Variants in DLGAP1 observed in about 807,000 individuals in gnomAD.
DLGAP1 encodes the protein DLG associated protein 1, also known as disks large-associated protein 1.
DLGAP1 carries 11 observed loss-of-function variants against 90.8 expected under a neutral mutation model. The ratio of observed to expected loss-of-function variants is 0.12; its 90% CI spans 0.08 to 0.20. DLGAP1 has a LOEUF of 0.20. DLGAP1 is among the 10% of genes least tolerant of loss of function. The probability of loss-of-function intolerance (pLI) is 1.00; values close to 1 mark genes in which losing one functional copy is unlikely to be tolerated. For missense variants in DLGAP1, 1,050 were observed against 1,333.8 expected, an observed-to-expected ratio of 0.79 and a Z score of 3.31; for synonymous variants, 558 against 540.7, an observed-to-expected ratio of 1.03 and a Z score of -0.44.
chr18:4,345,687 A>G, intron 1 of DLGAP1, among the ~76,000 whole-genome samples: 1 of 152,228 alleles, frequency 6.6e-6, no homozygotes, highest in East Asian at 1.9e-4. Context: ...AAATATCTTC[A>G]AATACATCAG....
At chr18:3,725,160 C>T (rs1023676895) in intron 7 of DLGAP1, among the ~76,000 whole-genome samples, 2 of 152,194 alleles carry the variant, frequency 1.3e-5, no homozygotes, top group East Asian at 1.9e-4. Flanking sequence ...TGTACATTTA[C>T]GAGTGTGTGC....
intron 1 of DLGAP1, among the ~76,000 whole-genome samples, chr18:4,424,150 TA>T (rs886998138): frequency 1.1e-3 from 164 of 152,256 alleles, no homozygotes; most frequent in African/African-American, 3.8e-3. Context: ...GACTCCATCT[TA>T]AAAAAAAATT....
chr18:3,635,809 C>G lies in DLGAP1; in HGVS notation c.1592-53561G>C, dbSNP rs527675445. On this transcript the variant is annotated intron_variant, in intron 7 of 12. Transcript: ENST00000315677. ...TAGTCAGCAATTCCATGAATTCAAT[C>G]TCCTCATCCCATGGATGACTTGGTC... Among the ~76,000 whole-genome samples the G allele has an allele frequency of 1.1e-4, 16 of 151,670 alleles. No homozygotes were observed. In the South Asian group the frequency reaches 3.3e-3, roughly 32 times the overall value.
intron 7 of DLGAP1, chr18:3,597,522 A>AGTCC: frequency 3.2e-6 from 1 of 315,658 alleles, no homozygotes; most frequent in Non-Finnish European, 6.1e-6. Context: ...ATCTAATGAG[A>AGTCC]GTCCGGTCAG....
chr18:4,407,807 C>T (rs1182818425), intron 1 of DLGAP1, among the ~76,000 whole-genome samples: 1 of 151,758 alleles, frequency 6.6e-6, no homozygotes, highest in African/African-American at 2.4e-5. Context: ...TGCTTGAATC[C>T]AAAAGGGGGA....
At chr18:3,732,632 A>T (rs956983498) in intron 6 of DLGAP1, among the ~76,000 whole-genome samples, 8 of 152,142 alleles carry the variant, frequency 5.3e-5, no homozygotes, top group Non-Finnish European at 1.5e-5. Flanking sequence ...AATTATCCTT[A>T]ATGAACTTAA....
intron 1 of DLGAP1, among the ~76,000 whole-genome samples, chr18:4,350,825 T>C (rs1193528008): frequency 6.6e-6 from 1 of 152,188 alleles, no homozygotes; most frequent in Non-Finnish European, 1.5e-5. Flanking sequence ...ATTTTTCAAA[T>C]AGTAGGTTTG....
chr18:3,635,449 A>C (rs1360012943), intron 7 of DLGAP1, among the ~76,000 whole-genome samples: 1 of 150,518 alleles, frequency 6.6e-6, no homozygotes, highest in African/African-American at 2.5e-5. Context: ...TGTCTGTCCC[A>C]TTTTTTTGTC....
intron 7 of DLGAP1, among the ~76,000 whole-genome samples, chr18:3,617,309 A>C (rs1210408955): frequency 6.6e-6 from 1 of 152,184 alleles, no homozygotes; most frequent in Non-Finnish European, 1.5e-5. Context: ...TAAACAAAAA[A>C]TACTGCTGGC....
chr18:3,548,596 G>A (rs942274345), intron 9 of DLGAP1, among the ~76,000 whole-genome samples: 9 of 152,148 alleles, frequency 5.9e-5, no homozygotes, highest in East Asian at 1.9e-4. Flanking sequence ...GTGAAACCCC[G>A]TTTCTACAAA....
At chr18:3,773,697 A>C (rs1287712988) in intron 5 of DLGAP1, among the ~76,000 whole-genome samples, 1 of 152,214 alleles carries the variant, frequency 6.6e-6, no homozygotes, top group Admixed American at 6.5e-5. Context: ...TTTTTAACTG[A>C]TAGTAAGTGC....
At chr18:4,181,036 T>C (rs2077198911) in intron 1 of DLGAP1, among the ~76,000 whole-genome samples, 1 of 152,204 alleles carries the variant, frequency 6.6e-6, no homozygotes, top group Non-Finnish European at 1.5e-5. Context: ...ATTCTTTTAG[T>C]GCCCAAGTTA....
intron 4 of DLGAP1, among the ~76,000 whole-genome samples, chr18:3,818,527 T>C (rs2067224541): frequency 1.3e-5 from 2 of 152,002 alleles, no homozygotes; most frequent in Admixed American, 1.3e-4. Context: ...GCCCAGCTAC[T>C]TTTTGTATTG....
intron 1 of DLGAP1, among the ~76,000 whole-genome samples, chr18:4,252,944 T>C (rs146462601): frequency 1.3e-5 from 2 of 152,246 alleles, no homozygotes; most frequent in African/African-American, 4.8e-5. Flanking sequence ...CACTTGGAGA[T>C]TGATCTTCCA....
At chr18:3,733,824 T>G (rs912957840) in intron 6 of DLGAP1, among the ~76,000 whole-genome samples, 1 of 152,226 alleles carries the variant, frequency 6.6e-6, no homozygotes, top group African/African-American at 2.4e-5. Context: ...TGTTTTTCCT[T>G]GAGTGTATTA....
At chr18:3,959,547 A>G (rs746548737) in intron 3 of DLGAP1, among the ~76,000 whole-genome samples, 1 of 151,994 alleles carries the variant, frequency 6.6e-6, no homozygotes, top group Non-Finnish European at 1.5e-5. Flanking sequence ...CGTGTCTGTG[A>G]TCCCAGCTGC....
At chr18:4,350,967 C>T (rs2081391966) in intron 1 of DLGAP1, among the ~76,000 whole-genome samples, 1 of 152,084 alleles carries the variant, frequency 6.6e-6, no homozygotes, top group Non-Finnish European at 1.5e-5. Context: ...ATGAGGGCCC[C>T]AGCACACACT....
chr18:4,178,180 A>G (rs971424456), intron 1 of DLGAP1, among the ~76,000 whole-genome samples: 2 of 149,922 alleles, frequency 1.3e-5, no homozygotes, highest in Non-Finnish European at 3.0e-5. Context: ...CTACCTGTAG[A>G]AATCCTACGG....
intron 4 of DLGAP1, among the ~76,000 whole-genome samples, chr18:3,864,758 G>T (rs1280431883): frequency 6.6e-6 from 1 of 152,066 alleles, no homozygotes; most frequent in Non-Finnish European, 1.5e-5. Flanking sequence ...TTCTCTAACA[G>T]CACCGTTTAT....
Sources: gnomAD v4.1 joint callset for allele counts (sites outside exome capture counted in the v4.1 genomes callset) on GRCh38, gnomAD v4.1.1 for gene constraint, MANE v1.5 for transcripts, NCBI Gene and HGNC (gene_info 2026-07-23, HGNC 2026-07-21) for gene names.